The following ITPR2 variants were observed in gnomAD, a reference collection of about 807,000 sequenced individuals.
ITPR2 encodes inositol 1,4,5-trisphosphate-gated calcium channel ITPR2.
Under a neutral mutation model 317.1 loss-of-function variants are expected in ITPR2, and 207 were observed. The observed-to-expected ratio is 0.65, with a 90% confidence interval of 0.58 to 0.73. The LOEUF is 0.73. Ranked by LOEUF, ITPR2 falls within the 30% of genes least tolerant of loss-of-function variation. The pLI is 0.00. For synonymous variants in ITPR2, 1,156 were observed against 1,149.1 expected, an observed-to-expected ratio of 1.01 and a Z score of -0.12; for missense variants, 2,613 against 3,284.0, an observed-to-expected ratio of 0.80 and a Z score of 4.99.
intron 55 of ITPR2, among the ~76,000 whole-genome samples, chr12:26,364,246 TA>T (rs1193936214): frequency 3.3e-5 from 5 of 152,218 alleles, no homozygotes; most frequent in African/African-American, 1.2e-4. Flanking sequence ...TAGCACCCAT[TA>T]CCATCAGGCA....
At chr12:26,565,505 GAT>G (rs1944931056) in intron 34 of ITPR2, among the ~76,000 whole-genome samples, 1 of 144,824 alleles carries the variant, frequency 6.9e-6, no homozygotes, top group African/African-American at 2.5e-5. Context: ...TAGATAGATA[GAT>G]AGATAGATAG....
At chr12:26,580,779 A>G (rs1347044712) in intron 32 of ITPR2, among the ~76,000 whole-genome samples, 1 of 152,316 alleles carries the variant, frequency 6.6e-6, no homozygotes, top group Non-Finnish European at 1.5e-5. Flanking sequence ...AAGCTGGAGA[A>G]AGACCAGAAA....
intron 55 of ITPR2, among the ~76,000 whole-genome samples, chr12:26,372,926 A>G (rs777083643): frequency 3.9e-5 from 6 of 152,116 alleles, no homozygotes; most frequent in Non-Finnish European, 8.8e-5. Flanking sequence ...TCACCATTTA[A>G]TTTTCTCTTA....
chr12:26,352,272 C>G (rs1244885157), intron 55 of ITPR2, among the ~76,000 whole-genome samples: 1 of 152,226 alleles, frequency 6.6e-6, no homozygotes, highest in Non-Finnish European at 1.5e-5. Flanking sequence ...AGAATTCTTT[C>G]CATTCACGGT....
chr12:26,689,883 A>G (rs1456976898), intron 10 of ITPR2, among the ~76,000 whole-genome samples: 1 of 152,246 alleles, frequency 6.6e-6, no homozygotes, highest in African/African-American at 2.4e-5. Context: ...AAAGAAAACA[A>G]AGGATGTTTG....
At chr12:26,645,231 A>C (rs1297522983) in intron 21 of ITPR2, among the ~76,000 whole-genome samples, 1 of 152,250 alleles carries the variant, frequency 6.6e-6, no homozygotes, top group African/African-American at 2.4e-5. Flanking sequence ...AATTGTGGTC[A>C]TTGCTGCTGT....
chr12:26,588,757 T>C (rs142097425), intron 32 of ITPR2, among the ~76,000 whole-genome samples: 167 of 152,300 alleles, frequency 1.1e-3, no homozygotes, highest in African/African-American at 3.8e-3. Flanking sequence ...GAAAGTGAAA[T>C]ACACAAGTTT....
At chr12:26,798,372 G>T (rs183280990) in intron 1 of ITPR2, among the ~76,000 whole-genome samples, 1 of 152,128 alleles carries the variant, frequency 6.6e-6, no homozygotes, top group Non-Finnish European at 1.5e-5. Flanking sequence ...TGTGACTAGA[G>T]TTGGCTTGTC....
intron 37 of ITPR2, among the ~76,000 whole-genome samples, chr12:26,536,247 A>T (rs149402548): frequency 4.3e-4 from 65 of 152,330 alleles, no homozygotes; most frequent in African/African-American, 1.5e-3. Flanking sequence ...GATTTTCCCG[A>T]AGAACTCAGG....
At chr12:26,440,705 A>T (rs1941467077) in intron 46 of ITPR2, among the ~76,000 whole-genome samples, 1 of 152,182 alleles carries the variant, frequency 6.6e-6, no homozygotes, top group African/African-American at 2.4e-5. Flanking sequence ...ATTTGATATG[A>T]CAGGCAACCA....
intron 26 of ITPR2, among the ~76,000 whole-genome samples, chr12:26,607,711 T>C (rs1026107276): frequency 6.6e-6 from 1 of 152,214 alleles, no homozygotes; most frequent in Admixed American, 6.5e-5. Context: ...AGCAAAGCTC[T>C]ACCCTTCTAG....
intron 24 of ITPR2, among the ~76,000 whole-genome samples, chr12:26,623,647 A>G (rs932177863): frequency 3.9e-5 from 6 of 152,200 alleles, no homozygotes; most frequent in African/African-American, 1.4e-4. Flanking sequence ...AGGAAAGACT[A>G]CTGTACAGAC....
intron 55 of ITPR2, among the ~76,000 whole-genome samples, chr12:26,342,586 T>C (rs1938165385): frequency 6.6e-6 from 1 of 150,508 alleles, no homozygotes; most frequent in Non-Finnish European, 1.5e-5. Flanking sequence ...TTCTTTTTTG[T>C]TTGTTTGTTT....
In ITPR2 at chr12:26,628,072, TCTCCG is replaced by T; in HGVS notation, c.3020_3024del (p.Ala1007AspfsTer18). 6.2e-7 allele frequency: 1 copy of T among 1,613,384 alleles called. No homozygotes were observed. ...GTGTCTGGAGATCCACTGGCAGATG[TCTCCG>T]CATTGTCATTGTCCTCTCCAAACTC... On this transcript the variant is annotated frameshift_variant, in exon 23 of 57. Transcript: ENST00000381340. LOFTEE classifies it high-confidence loss of function.
chr12:26,388,529 A>G (rs948816900), intron 54 of ITPR2, among the ~76,000 whole-genome samples: 3 of 152,010 alleles, frequency 2.0e-5, no homozygotes, highest in African/African-American at 7.2e-5. Flanking sequence ...CAGTGGCTCA[A>G]TGCAGACTCA....
chr12:26,391,925 T>C (rs749543896), intron 54 of ITPR2, among the ~76,000 whole-genome samples: 1 of 152,238 alleles, frequency 6.6e-6, no homozygotes. Context: ...AAGTCGTTCC[T>C]GTGGCAGGAT....
At chr12:26,645,369 T>C (rs576646253) in intron 21 of ITPR2, among the ~76,000 whole-genome samples, 32 of 152,362 alleles carry the variant, frequency 2.1e-4, no homozygotes, top group Middle Eastern at 6.8e-3. Flanking sequence ...CCCATGTTCC[T>C]GCCTTTTCTT....
rs1049381 is a variant in ITPR2, at chr12:26,336,287, T to A, written c.*3110A>T. Reference sequence around the variant, plus strand: ...CTGAGTGTGGGCTATACTGCCTTGCTGTTTGCAATGAAACAATTGTAAAAT... The same window carrying A: ...CTGAGTGTGGGCTATACTGCCTTGCAGTTTGCAATGAAACAATTGTAAAAT... On this transcript the variant is annotated 3_prime_UTR_variant, in exon 57 of 57. Coordinates refer to ENST00000381340, the MANE Select transcript of ITPR2 (RefSeq NM_002223.4). Among the ~76,000 whole-genome samples, 25,408 of 152,138 alleles carry A rather than the reference T, an allele frequency of 0.17. 2,588 individuals carry two copies. Among genetic ancestry groups the A allele is most frequent in the Middle Eastern group, 0.24 (72 of 294 alleles).
intron 34 of ITPR2, among the ~76,000 whole-genome samples, chr12:26,571,229 T>C (rs886165489): frequency 9.2e-5 from 14 of 152,222 alleles, no homozygotes; most frequent in African/African-American, 3.1e-4. Context: ...CATGGTATAT[T>C]CACAATTGAT....
Sources: allele counts gnomAD v4.1 joint callset (sites outside exome capture counted in the v4.1 genomes callset), GRCh38; gene constraint gnomAD v4.1.1; transcripts MANE v1.5; gene names NCBI Gene and HGNC (gene_info 2026-07-23, HGNC 2026-07-21).